COL28A1: variants seen among roughly 807,000 people sequenced by gnomAD.
The protein encoded by COL28A1 is collagen type XXVIII alpha 1 chain, also known as collagen alpha-1(XXVIII) chain.
COL28A1 carries 161 observed loss-of-function variants against 150.2 expected under a neutral mutation model. That is an observed-to-expected ratio of 1.07 (90% CI 0.94 to 1.22). The LOEUF is 1.22. Among genes scored for constraint, COL28A1 ranks in the 50% most tolerant of loss-of-function variants. COL28A1 has a pLI of 0.00. For missense variants in COL28A1, 1,617 were observed against 1,388.3 expected (o/e 1.16, Z -2.62); for synonymous variants, 552 against 469.7 (o/e 1.18, Z -2.26).
intron 11 of COL28A1, among the ~76,000 whole-genome samples, chr7:7,495,003 C>T (rs1780126658): frequency 6.6e-6 from 1 of 152,056 alleles, no homozygotes; most frequent in Non-Finnish European, 1.5e-5. Context: ...GCCCGTGAGC[C>T]CAACAGGCCG....
rs776873052 is a variant in COL28A1 at position 7,531,594 on chromosome 7, C to T, written c.435G>A (p.Lys145=). 7 of 1,605,694 alleles carry T rather than the reference C, an allele frequency of 4.4e-6. No homozygotes were observed. Among genetic ancestry groups the T allele is most frequent in the Non-Finnish European group, 5.1e-6 (6 of 1,172,282 alleles). The change falls in exon 3 of 35, where the codon AAG becomes AAA. Residue 145 remains lysine (K), a synonymous_variant. Transcript: ENST00000399429. ...TCACACCATCCTTACGCCCTTCTCT[C>T]TTAAGTAGCCTAGTGGCATTGGAAA... ...YAISNATRLL[K]REGRKDGVKV...
Position 7,373,517 on chromosome 7 carries a change from G to T in COL28A1, c.2389C>A (p.Leu797Ile), listed in dbSNP as rs770257586. 1.2e-6 allele frequency: 2 copies of T among 1,612,688 alleles called. No homozygotes were observed. The highest frequency in any genetic ancestry group is 1.7e-6 in the Non-Finnish European group (2 of 1,179,384). ...GCGPKCKETP[L>I]ELVFVIDSSE... ...CTGTCGATCACAAACACCAGCTCTA[G>T]TGGAGTCTCTTTGCATTTGGGCCCA... The change falls in exon 32 of 35, where the codon CTA (leucine) becomes ATA (isoleucine). Residue 797 changes from leucine to isoleucine, a missense_variant. Leu to Ile is a conservative substitution (Grantham distance 5). Transcript: ENST00000399429. This position sits in a 1 kb window ranked among gnomAD's most constrained non-coding sequence, Gnocchi z 4.1.
At chr7:7,399,525 T>C (rs1783044525) in intron 27 of COL28A1, among the ~76,000 whole-genome samples, 1 of 152,158 alleles carries the variant, frequency 6.6e-6, no homozygotes, top group African/African-American at 2.4e-5. Context: ...GGCCATCTTT[T>C]TGGTAGAAGA....
In COL28A1 at chr7:7,456,064, T is replaced by C; in HGVS notation, c.1351A>G (p.Ile451Val). The change falls in exon 16 of 35, where the codon ATC (isoleucine) becomes GTC (valine). Residue 451 changes from isoleucine to valine, a missense_variant. Physicochemically the swap from Ile to Val is conservative, Grantham distance 29 (BLOSUM62 3). Coordinates refer to ENST00000399429, the MANE Select transcript of COL28A1 (RefSeq NM_001037763.3). ...ATTACCTGTTCCCCTTGACTCCCGA[T>C]TCCAGGGATACCCATTGGTCCTTGG... ...GPQGPMGIPG[I>V]GSQGEQGIQG... 1 of 1,613,954 alleles carries C rather than the reference T, an allele frequency of 6.2e-7. No homozygotes were observed. Among genetic ancestry groups the C allele is most frequent in the Non-Finnish European group, 8.5e-7 (1 of 1,179,898 alleles).
At chr7:7,374,607 TATAA>T (rs1562491504) in intron 31 of COL28A1, among the ~76,000 whole-genome samples, 1 of 152,180 alleles carries the variant, frequency 6.6e-6, no homozygotes, top group Non-Finnish European at 1.5e-5. Context: ...CATCAGGAAA[TATAA>T]ATTATCAGGA....
Position 7,502,728 on chromosome 7 carries a change from T to G in COL28A1, c.1026+3286A>C, listed in dbSNP as rs1329798881. Among the ~76,000 whole-genome samples, 6 of 43,780 alleles carry G rather than the reference T, an allele frequency of 1.4e-4. 2 individuals carry two copies. Among genetic ancestry groups the G allele is most frequent in the Non-Finnish European group, 2.2e-4 (6 of 27,118 alleles). The allele number at this position is 43,780 out of a possible 152,430, so 28.7% of individuals were successfully genotyped here. A position where few individuals can be genotyped will look rare whatever the true frequency, so the allele number is the denominator to read the frequency against. On this transcript the variant is annotated intron_variant, in intron 11 of 34. Coordinates refer to ENST00000399429, the MANE Select transcript of COL28A1 (RefSeq NM_001037763.3). ...TTTTTTTTTTTTTGAGACGGAGTCTTGCTCTGTCGCCCAGGCTGGAGTGCA... is the reference window on the plus strand; with the variant it reads ...TTTTTTTTTTTTTGAGACGGAGTCTGGCTCTGTCGCCCAGGCTGGAGTGCA...
At chr7:7,497,519 G>T (rs1477570663) in intron 11 of COL28A1, among the ~76,000 whole-genome samples, 1 of 152,158 alleles carries the variant, frequency 6.6e-6, no homozygotes, top group East Asian at 1.9e-4. Context: ...CCAGCAGTTT[G>T]AGGTTAAACC....
chr7:7,389,674 G>T (rs1254902466), intron 27 of COL28A1, among the ~76,000 whole-genome samples: 1 of 152,064 alleles, frequency 6.6e-6, no homozygotes, highest in Non-Finnish European at 1.5e-5. Context: ...TTATTTCCTT[G>T]AGCAGTGGTT....
chr7:7,533,803 T>G (rs1332831665), intron 1 of COL28A1, among the ~76,000 whole-genome samples: 2 of 152,164 alleles, frequency 1.3e-5, no homozygotes, highest in African/African-American at 4.8e-5. Flanking sequence ...AGAAGACTCA[T>G]GTGTTGCTGC....
chr7:7,373,295 G>A lies in COL28A1; in HGVS notation c.2611C>T (p.Leu871=). The A allele has an allele frequency of 6.2e-7, 1 of 1,614,154 alleles. No homozygotes were observed. Among genetic ancestry groups the A allele is most frequent in the South Asian group, 1.1e-5 (1 of 91,078 alleles). ...GTGGCTGTGTATGTGCCTTCCCCCA[G>A]ATACTGCATGTTGTCCACAGCCAAC... ...FKLAVDNMQY[L]GEGTYTATAL... The change falls in exon 32 of 35, where the codon CTG becomes TTG. Residue 871 remains leucine (L), a synonymous_variant. Transcript: ENST00000399429. This position sits in a 1 kb window ranked among gnomAD's most constrained non-coding sequence, Gnocchi z 4.1.
intron 9 of COL28A1, among the ~76,000 whole-genome samples, chr7:7,508,612 C>T (rs1780954840): frequency 6.6e-6 from 1 of 152,194 alleles, no homozygotes; most frequent in South Asian, 2.1e-4. Flanking sequence ...TAGTATTATA[C>T]ATTACTTCAC....
At chr7:7,370,608 C>T in intron 33 of COL28A1, 117 bp downstream of exon 33, 1 of 696,904 alleles carries the variant, frequency 1.4e-6, no homozygotes, top group Non-Finnish European at 2.3e-6. Context: ...GAGCCAAGGA[C>T]CTAAAAATAC....
intron 13 of COL28A1, among the ~76,000 whole-genome samples, chr7:7,479,707 A>G (rs1204098984): frequency 3.9e-5 from 6 of 152,212 alleles, no homozygotes; most frequent in African/African-American, 4.8e-5. Flanking sequence ...TCATGTAACT[A>G]TTGCTCAAAA....
intron 20 of COL28A1, among the ~76,000 whole-genome samples, chr7:7,442,929 G>A (rs1323422027): frequency 1.3e-5 from 2 of 151,920 alleles, no homozygotes; most frequent in Admixed American, 6.6e-5. Context: ...CAGCTGCTTG[G>A]GAGGCTGAGG....
chr7:7,447,529 G>C (rs771025626), intron 18 of COL28A1, among the ~76,000 whole-genome samples: 5 of 151,892 alleles, frequency 3.3e-5, no homozygotes, highest in Non-Finnish European at 5.9e-5. Flanking sequence ...AACTTATCCA[G>C]AAATAACACC....
chr7:7,381,675 G>C lies in COL28A1; in HGVS notation c.2137-63C>G, dbSNP rs540754087. On this transcript the variant is annotated intron_variant, in intron 27 of 34. Coordinates refer to ENST00000399429, the MANE Select transcript of COL28A1 (RefSeq NM_001037763.3). ...CCCAGGATAGCTTGGCTATTCTTTG[G>C]GTCAGAAACACACTTACGGTTTAAA... 9.0e-6 allele frequency: 11 copies of C among 1,219,892 alleles called. No homozygotes were observed. In the South Asian group the frequency reaches 1.3e-4, roughly 15 times the overall value. 75.6% of individuals were successfully genotyped at this position (1,219,892 alleles called of 1,614,324 possible).
chr7:7,536,869 G>A (rs904408860), upstream of COL28A1, among the ~76,000 whole-genome samples: 3 of 152,080 alleles, frequency 2.0e-5, no homozygotes, highest in African/African-American at 7.2e-5. Context: ...TCCTTCACAA[G>A]CACAACCACC....
Position 7,358,516 on chromosome 7 carries a change from A to G in COL28A1, c.*117T>C. 1 of 908,426 alleles carries G rather than the reference A, an allele frequency of 1.1e-6. No homozygotes were observed. The allele number at this position is 908,426 out of a possible 1,614,324, so 56.3% of individuals were successfully genotyped here. A position where few individuals can be genotyped will look rare whatever the true frequency, so the allele number is the denominator to read the frequency against. ...AGGGCTGTAGTGAGAATTCAATTACATGTATAAGTTGTAAATACTCAGTAT... is the reference window on the plus strand; with the variant it reads ...AGGGCTGTAGTGAGAATTCAATTACGTGTATAAGTTGTAAATACTCAGTAT... On this transcript the variant is annotated 3_prime_UTR_variant, in exon 35 of 35. Coordinates refer to ENST00000399429, the MANE Select transcript of COL28A1 (RefSeq NM_001037763.3).
the COL28A1 span, among the ~76,000 whole-genome samples, chr7:7,339,300 A>C: frequency 7.9e-5 from 12 of 151,572 alleles, no homozygotes; most frequent in African/African-American, 2.2e-4. Flanking sequence ...CTTCCTATTC[A>C]CTCCCTTAAG....
Sources: allele counts gnomAD v4.1 joint callset (sites outside exome capture counted in the v4.1 genomes callset), GRCh38; gene constraint gnomAD v4.1.1; non-coding constraint Gnocchi (gnomAD v3.1); transcripts MANE v1.5; gene names NCBI Gene and HGNC (gene_info 2026-07-23, HGNC 2026-07-21).